The following TARS3 variants were observed in gnomAD, a reference collection of about 807,000 sequenced individuals.
The protein encoded by TARS3 is threonine--tRNA ligase 2, cytoplasmic.
In TARS3, 94 loss-of-function variants were observed where a neutral mutation model predicts 103.5. That is an observed-to-expected ratio of 0.91 (90% CI 0.77 to 1.08). TARS3 has a LOEUF of 1.08. Ranked by LOEUF, TARS3 falls within the 50% of genes least tolerant of loss-of-function variation. The pLI, the probability that TARS3 is intolerant of heterozygous loss-of-function variation, is 0.00. For synonymous variants in TARS3, 416 were observed against 355.4 expected (o/e 1.17, Z -1.92); for missense variants, 952 against 995.2 (o/e 0.96, Z 0.58).
At chr15:101,666,822 T>C (rs1897598657) in intron 15 of TARS3, among the ~76,000 whole-genome samples, 1 of 152,192 alleles carries the variant, frequency 6.6e-6, no homozygotes, top group Non-Finnish European at 1.5e-5. Flanking sequence ...ATGGTAAATA[T>C]TTGGTAAATA....
intron 10 of TARS3, among the ~76,000 whole-genome samples, chr15:101,694,687 A>C (rs2141418752): frequency 6.6e-6 from 1 of 152,388 alleles, no homozygotes; most frequent in African/African-American, 2.4e-5. Context: ...AAACAGAGGC[A>C]GAAAATAAAA....
intron 15 of TARS3, among the ~76,000 whole-genome samples, chr15:101,666,222 G>A (rs1437192273): frequency 2.6e-5 from 4 of 152,080 alleles, no homozygotes; most frequent in Non-Finnish European, 4.4e-5. Context: ...GGTGGCTCAC[G>A]CCTGTAATCT....
intron 15 of TARS3, among the ~76,000 whole-genome samples, chr15:101,669,230 TA>T (rs1021585847): frequency 1.6e-4 from 25 of 152,168 alleles, no homozygotes; most frequent in African/African-American, 5.8e-4. Flanking sequence ...ACTTAAAAAG[TA>T]AAAATTTTTG....
intron 15 of TARS3, among the ~76,000 whole-genome samples, chr15:101,670,904 A>G (rs570886589): frequency 6.6e-6 from 1 of 152,278 alleles, no homozygotes; most frequent in African/African-American, 2.4e-5. Flanking sequence ...TCGATACTGC[A>G]TGGCTCCGTT....
chr15:101,655,598 G>A (rs1279284860), intron 18 of TARS3, among the ~76,000 whole-genome samples: 5 of 141,230 alleles, frequency 3.5e-5, no homozygotes, highest in East Asian at 2.2e-4. Context: ...AAATGAGAGC[G>A]GGGAGCTCTT....
intron 10 of TARS3, among the ~76,000 whole-genome samples, chr15:101,690,086 G>A (rs1370305142): frequency 1.3e-5 from 2 of 152,234 alleles, no homozygotes; most frequent in Non-Finnish European, 2.9e-5. Context: ...GCTGATCGGA[G>A]TTTGTGGGAG....
rs1323986352 is a variant in TARS3 at position 101,684,144 on chromosome 15, A to G, written c.1581T>C (p.Thr527=). 2 of 1,613,950 alleles carry G rather than the reference A, an allele frequency of 1.2e-6. No homozygotes were observed. Among genetic ancestry groups the G allele is most frequent in the African/African-American group, 2.7e-5 (2 of 74,928 alleles). The change falls in exon 12 of 19, where the codon ACT becomes ACC. Residue 527 remains threonine, a synonymous_variant. Transcript: ENST00000335968. ...GCCTCACTCTGGTCAAGCCGCTGAGAGTCCCCGACAGTTCATTTCTATGCA... is the reference window on the plus strand; with the variant it reads ...GCCTCACTCTGGTCAAGCCGCTGAGGGTCCCCGACAGTTCATTTCTATGCA... ...GVLHRNELSG[T]LSGLTRVRRF...
chr15:101,682,613 T>G (rs1018253162), intron 12 of TARS3, among the ~76,000 whole-genome samples: 1 of 152,174 alleles, frequency 6.6e-6, no homozygotes, highest in Non-Finnish European at 1.5e-5. Context: ...AATTTCTTTG[T>G]CTTATTTTTC....
At chr15:101,683,731 CTT>C (rs1433332701) in intron 12 of TARS3, among the ~76,000 whole-genome samples, 1 of 152,158 alleles carries the variant, frequency 6.6e-6, no homozygotes, top group Non-Finnish European at 1.5e-5. Context: ...GACAGTGAAA[CTT>C]TGCATGGCAA....
At chr15:101,714,605 C>CAAAAAAAAAAAAAAAAA (rs35014693) in intron 4 of TARS3, 2 of 77,462 alleles carry the variant, frequency 2.6e-5, no homozygotes, top group Non-Finnish European at 4.2e-5. Flanking sequence ...GACTCCATCT[C>CAAAAAAAAAAAAAAAAA]AAAAAAAAAA....
chr15:101,664,517 G>C (rs1223516284), intron 15 of TARS3: 1 of 152,102 alleles, frequency 6.6e-6, no homozygotes, highest in East Asian at 1.9e-4. Context: ...ACTGGGTGGC[G>C]AACACATGGA....
At chr15:101,702,148 C>A (rs1345157717) in intron 9 of TARS3, 91 bp downstream of exon 9, 1 of 1,503,486 alleles carries the variant, frequency 6.7e-7, no homozygotes, top group Non-Finnish European at 9.1e-7. Flanking sequence ...AAGAAGAAAT[C>A]TTATTTTTAA....
At chr15:101,681,083 T>C (rs1214743605) in intron 12 of TARS3, among the ~76,000 whole-genome samples, 1 of 152,236 alleles carries the variant, frequency 6.6e-6, no homozygotes, top group African/African-American at 2.4e-5. Context: ...TGCCTTCGAA[T>C]CTTAATTAAA....
chr15:101,704,718 A>G (rs1567349234), intron 7 of TARS3, among the ~76,000 whole-genome samples: 1 of 151,626 alleles, frequency 6.6e-6, no homozygotes, highest in Non-Finnish European at 1.5e-5. Flanking sequence ...TTTTTCAAAA[A>G]TTAAATACAA....
chr15:101,718,613 A>G (rs1356303916), intron 3 of TARS3, among the ~76,000 whole-genome samples: 1 of 152,140 alleles, frequency 6.6e-6, no homozygotes, highest in East Asian at 1.9e-4. Context: ...AAATCCAGAC[A>G]ATAGAGGCCA....
chr15:101,665,260 G>C (rs934769620), intron 15 of TARS3, among the ~76,000 whole-genome samples: 2 of 152,178 alleles, frequency 1.3e-5, no homozygotes, highest in African/African-American at 4.8e-5. Flanking sequence ...ACTTGAATAA[G>C]TCCACAGACA....
At chr15:101,714,806 C>A in intron 4 of TARS3, 34 bp downstream of exon 4, 1 of 1,593,546 alleles carries the variant, frequency 6.3e-7, no homozygotes, top group Non-Finnish European at 8.6e-7. Flanking sequence ...ACATAACTAC[C>A]CAAAGTTTGG....
chr15:101,689,306 A>C (rs909962680), intron 10 of TARS3, among the ~76,000 whole-genome samples: 10 of 152,150 alleles, frequency 6.6e-5, no homozygotes, highest in Non-Finnish European at 1.2e-4. Context: ...CCCCACAAAG[A>C]GCATTACTAA....
chr15:101,712,005 C>A lies in TARS3; in HGVS notation c.691-4G>T, dbSNP rs770653382. On this transcript the variant is annotated splice_polypyrimidine_tract_variant and splice_region_variant and intron_variant, in intron 4 of 18. Coordinates refer to ENST00000335968, the MANE Select transcript of TARS3 (RefSeq NM_152334.3). ...GAGCACTGGAGTGCCAGTACACCTG[C>A]ATGGCATGGACAAAGAGGCCATTAG... 6.2e-6 allele frequency: 10 copies of A among 1,610,480 alleles called. No homozygotes were observed. The highest frequency in any genetic ancestry group is 8.5e-6 in the Non-Finnish European group (10 of 1,178,676).
Sources: allele counts gnomAD v4.1 joint callset (sites outside exome capture counted in the v4.1 genomes callset), GRCh38; gene constraint gnomAD v4.1.1; transcripts MANE v1.5; gene names NCBI Gene and HGNC (gene_info 2026-07-23, HGNC 2026-07-21).